Variants in SLC8A3 observed in about 807,000 individuals in gnomAD.
The protein encoded by SLC8A3 is sodium/calcium exchanger 3.
In SLC8A3, 37 loss-of-function variants were observed where a neutral mutation model predicts 65.4. The ratio of observed to expected loss-of-function variants is 0.57; its 90% CI spans 0.44 to 0.74. SLC8A3 has a LOEUF of 0.74. SLC8A3 is among the 30% of genes least tolerant of loss of function. The probability of loss-of-function intolerance (pLI) is 0.00; values close to 1 mark genes in which losing one functional copy is unlikely to be tolerated. For missense variants in SLC8A3, 1,112 were observed against 1,172.1 expected (o/e 0.95, Z 0.75); for synonymous variants, 461 against 444.5 (o/e 1.04, Z -0.47).
At chr14:70,133,161 G>C (rs977579835) in intron 2 of SLC8A3, among the ~76,000 whole-genome samples, 3 of 152,086 alleles carry the variant, frequency 2.0e-5, no homozygotes, top group African/African-American at 7.2e-5. Context: ...GGAAAGTTTG[G>C]CTTGGTACCT....
At chr14:70,078,715 G>C (rs1271812816) in intron 2 of SLC8A3, among the ~76,000 whole-genome samples, 2 of 152,142 alleles carry the variant, frequency 1.3e-5, no homozygotes, top group African/African-American at 4.8e-5. Context: ...AAAGGCTGTA[G>C]GAAGAACAAA....
intron 2 of SLC8A3, among the ~76,000 whole-genome samples, chr14:70,151,657 C>T (rs1896286557): frequency 6.6e-6 from 1 of 152,208 alleles, no homozygotes; most frequent in Non-Finnish European, 1.5e-5. Context: ...TGACAAATCG[C>T]CACAAACGTG....
intron 2 of SLC8A3, among the ~76,000 whole-genome samples, chr14:70,089,612 A>C (rs1891680553): frequency 6.6e-6 from 1 of 152,212 alleles, no homozygotes; most frequent in Admixed American, 6.5e-5. Context: ...ACTAGATATG[A>C]GGGAACAGAG....
rs148959866 is a variant in SLC8A3 at position 70,163,446 on chromosome 14, G to T, written c.1784+3193C>A. 1.7e-3 allele frequency among the ~76,000 whole-genome samples: 252 copies of T among 152,274 alleles called. 2 individuals are homozygous for T. Among genetic ancestry groups the T allele is most frequent in the African/African-American group, 5.0e-3 (207 of 41,566 alleles). ...TAGAGCACAGGCCTGGCCTCAACTT[G>T]ATTATATTTAGGGGAGTATAGTGAG... On this transcript the variant is annotated intron_variant, in intron 2 of 6. Transcript: ENST00000356921.
chr14:70,135,599 G>A (rs1250226925), intron 2 of SLC8A3, among the ~76,000 whole-genome samples: 1 of 152,118 alleles, frequency 6.6e-6, no homozygotes, highest in Non-Finnish European at 1.5e-5. Context: ...CAGCAGCATG[G>A]ACAGAACTGG....
At chr14:70,171,191 T>C (rs1238575745) in intron 1 of SLC8A3, among the ~76,000 whole-genome samples, 1 of 152,016 alleles carries the variant, frequency 6.6e-6, no homozygotes, top group Non-Finnish European at 1.5e-5. Context: ...TGACAGGAGG[T>C]GGCTGCTATG....
chr14:70,140,500 CAGGATATACT>C (rs1895493631), intron 2 of SLC8A3, among the ~76,000 whole-genome samples: 2 of 152,292 alleles, frequency 1.3e-5, no homozygotes, highest in South Asian at 4.2e-4. Context: ...GATGTGTTTG[CAGGATATACT>C]AGGAGGGACT....
chr14:70,134,815 A>G (rs1031888019), intron 2 of SLC8A3, among the ~76,000 whole-genome samples: 1 of 152,144 alleles, frequency 6.6e-6, no homozygotes, highest in Non-Finnish European at 1.5e-5. Flanking sequence ...GTTCCCTACC[A>G]TGGTGTCATG....
At chr14:70,099,581 C>T (rs529431749) in intron 2 of SLC8A3, among the ~76,000 whole-genome samples, 23 of 152,246 alleles carry the variant, frequency 1.5e-4, no homozygotes, top group African/African-American at 4.6e-4. Flanking sequence ...GTGTTGACCA[C>T]GTAAATGGTC....
chr14:70,147,118 G>C (rs1334949830), intron 2 of SLC8A3, among the ~76,000 whole-genome samples: 2 of 152,136 alleles, frequency 1.3e-5, no homozygotes, highest in Non-Finnish European at 2.9e-5. Context: ...GACTATTTGG[G>C]GGCATGATTT....
chr14:70,156,145 A>G (rs1896557993), intron 2 of SLC8A3, among the ~76,000 whole-genome samples: 1 of 152,224 alleles, frequency 6.6e-6, no homozygotes, highest in Non-Finnish European at 1.5e-5. Context: ...TACAAAACTC[A>G]CTAGGTTAGC....
chr14:70,129,716 C>A (rs1189417594), intron 2 of SLC8A3, among the ~76,000 whole-genome samples: 1 of 152,132 alleles, frequency 6.6e-6, no homozygotes, highest in East Asian at 1.9e-4. Context: ...GGAGAGGTCA[C>A]CACTGACTCA....
At chr14:70,162,609 G>A (rs1349614188) in intron 2 of SLC8A3, among the ~76,000 whole-genome samples, 2 of 152,280 alleles carry the variant, frequency 1.3e-5, no homozygotes, top group East Asian at 3.9e-4. Context: ...TTTTGCAAAG[G>A]CGTGCTGAGA....
rs1273037934 is a variant in SLC8A3 at position 70,167,231 on chromosome 14, C to T, written c.1192G>A (p.Val398Ile). The change falls in exon 2 of 7, where the codon GTC (valine) becomes ATC (isoleucine). Residue 398 changes from valine to isoleucine, a missense_variant. Transcript: ENST00000356921. ...TGGTAAGAACATGGGTCAAAGAAGA[C>T]CTTGGAAATAAAGTCCTCAGGCTCA... is the stretch of plus-strand genomic sequence containing the variant. The part of the protein sequence containing the change: ...TDEPEDFISK[V>I]FFDPCSYQCL... 2 of 1,614,152 alleles carry T rather than the reference C, an allele frequency of 1.2e-6. No individual in the cohort carries two copies. The highest frequency in any genetic ancestry group is 4.5e-5 in the East Asian group (2 of 44,880).
At chr14:70,145,725 A>C (rs1336622216) in intron 2 of SLC8A3, among the ~76,000 whole-genome samples, 1 of 152,196 alleles carries the variant, frequency 6.6e-6, no homozygotes, top group African/African-American at 2.4e-5. Flanking sequence ...GTATAAACTC[A>C]TCTGCCCCAG....
chr14:70,171,594 A>G (rs950924999), intron 1 of SLC8A3, among the ~76,000 whole-genome samples: 16 of 152,180 alleles, frequency 1.1e-4, no homozygotes, highest in African/African-American at 3.4e-4. Context: ...TGAGGTCAGG[A>G]GTTCAAGGCC....
chr14:70,073,170 T>C (rs936449843), intron 2 of SLC8A3, among the ~76,000 whole-genome samples: 1 of 152,146 alleles, frequency 6.6e-6, no homozygotes, highest in Admixed American at 6.5e-5. Context: ...TATGTGTGTA[T>C]TCATGTGAGT....
intron 2 of SLC8A3, among the ~76,000 whole-genome samples, chr14:70,082,152 TG>T (rs1344492609): frequency 6.6e-6 from 1 of 152,212 alleles, no homozygotes; most frequent in Non-Finnish European, 1.5e-5. Context: ...TTGACCCCAG[TG>T]GTCTGATTCC....
At chr14:70,083,045 G>C (rs1370735794) in intron 2 of SLC8A3, among the ~76,000 whole-genome samples, 3 of 152,124 alleles carry the variant, frequency 2.0e-5, no homozygotes, top group Admixed American at 6.6e-5. Flanking sequence ...TGAGCTCATG[G>C]TCCAAAGGAA....
Sources: gnomAD v4.1 joint callset for allele counts (sites outside exome capture counted in the v4.1 genomes callset) on GRCh38, gnomAD v4.1.1 for gene constraint, MANE v1.5 for transcripts, NCBI Gene and HGNC (gene_info 2026-07-23, HGNC 2026-07-21) for gene names.